The following CIB4 variants were observed in gnomAD, a reference collection of about 807,000 sequenced individuals.
CIB4 encodes calcium and integrin binding family member 4.
Under a neutral mutation model 25.8 loss-of-function variants are expected in CIB4, and 25 were observed. The observed-to-expected ratio is 0.97, with a 90% CI of 0.71 to 1.35. The LOEUF (loss-of-function observed/expected upper bound fraction) is 1.35. Ranked by LOEUF, CIB4 falls within the 40% of genes most tolerant of loss-of-function variation. The probability of loss-of-function intolerance (pLI) is 0.00; values close to 1 mark genes in which losing one functional copy is unlikely to be tolerated. For synonymous variants in CIB4, 75 were observed against 81.4 expected (o/e 0.92, Z 0.42); for missense variants, 235 against 228.2 (o/e 1.03, Z -0.19).
At chr2:26,640,921 C>A (rs539398064) in intron 1 of CIB4, among the ~76,000 whole-genome samples, 2 of 152,330 alleles carry the variant, frequency 1.3e-5, no homozygotes, top group South Asian at 4.1e-4. Flanking sequence ...GAGGGACCAC[C>A]GCTACCCCGC....
chr2:26,619,490 G>C (rs756998710), intron 3 of CIB4, among the ~76,000 whole-genome samples: 59 of 152,306 alleles, frequency 3.9e-4, no homozygotes, highest in South Asian at 8.3e-4. Context: ...CGGAAAGGCA[G>C]GTGTGATTCC....
At chr2:26,585,428 A>C (rs1316679012) in intron 4 of CIB4, among the ~76,000 whole-genome samples, 5 of 152,008 alleles carry the variant, frequency 3.3e-5, no homozygotes, top group Non-Finnish European at 1.5e-5. Context: ...GAAGGCCTTG[A>C]ATGGCAGGTG....
intron 3 of CIB4, among the ~76,000 whole-genome samples, chr2:26,596,339 C>T (rs1668682213): frequency 6.6e-6 from 1 of 152,210 alleles, no homozygotes; most frequent in Non-Finnish European, 1.5e-5. Context: ...TGCCAAATGA[C>T]TTCCCTGCAG....
intron 4 of CIB4, among the ~76,000 whole-genome samples, chr2:26,589,014 CTT>C (rs1668514570): frequency 4.4e-5 from 1 of 22,690 alleles, no homozygotes; most frequent in East Asian, 1.2e-3. Context: ...TCTTCTTCTT[CTT>C]CTTCTTCTTC....
intron 2 of CIB4, among the ~76,000 whole-genome samples, chr2:26,629,712 C>T (rs950861552): frequency 6.6e-6 from 1 of 152,210 alleles, no homozygotes; most frequent in African/African-American, 2.4e-5. Flanking sequence ...AGAAACATCC[C>T]TGGACCCTCC....
intron 3 of CIB4, among the ~76,000 whole-genome samples, chr2:26,599,241 A>G (rs1668737816): frequency 6.6e-6 from 1 of 152,240 alleles, no homozygotes; most frequent in Non-Finnish European, 1.5e-5. Context: ...AGCAATTTAT[A>G]CAGGTAACTC....
chr2:26,608,939 T>C (rs941646848), intron 3 of CIB4, among the ~76,000 whole-genome samples: 4 of 152,134 alleles, frequency 2.6e-5, no homozygotes, highest in Non-Finnish European at 5.9e-5. Flanking sequence ...CTGTCTCTCC[T>C]GCAAGCCTGT....
chr2:26,633,781 C>A (rs1669479434), intron 2 of CIB4, among the ~76,000 whole-genome samples: 1 of 152,198 alleles, frequency 6.6e-6, no homozygotes, highest in African/African-American at 2.4e-5. Context: ...CCACACAGCC[C>A]AGAGAGGCAG....
intron 3 of CIB4, among the ~76,000 whole-genome samples, chr2:26,629,197 G>A (rs566781502): frequency 2.0e-4 from 30 of 152,286 alleles, no homozygotes; most frequent in Admixed American, 2.6e-4. Context: ...CTCTAGGACC[G>A]AGGTGAGGAT....
chr2:26,609,834 A>G (rs1210238745), intron 3 of CIB4, among the ~76,000 whole-genome samples: 1 of 152,206 alleles, frequency 6.6e-6, no homozygotes, highest in Admixed American at 6.5e-5. Flanking sequence ...CCCACGGAAA[A>G]CACAAACAAA....
chr2:26,624,630 A>T (rs1189396278), intron 3 of CIB4, among the ~76,000 whole-genome samples: 1 of 151,262 alleles, frequency 6.6e-6, no homozygotes, highest in Non-Finnish European at 1.5e-5. Flanking sequence ...ATTTTTTTTA[A>T]TGTCCTTACT....
chr2:26,637,146 G>A (rs1669547915), intron 2 of CIB4, among the ~76,000 whole-genome samples: 1 of 152,140 alleles, frequency 6.6e-6, no homozygotes, highest in South Asian at 2.1e-4. Context: ...CAGGGCAGGG[G>A]TGCCAAGTTG....
chr2:26,607,080 CCCT>C (rs1668903233), intron 3 of CIB4, among the ~76,000 whole-genome samples: 1 of 152,186 alleles, frequency 6.6e-6, no homozygotes, highest in Non-Finnish European at 1.5e-5. Flanking sequence ...GAGCCATCTG[CCCT>C]AACTACCTCT....
chr2:26,586,849 G>A (rs1337931076), intron 4 of CIB4, among the ~76,000 whole-genome samples: 2 of 152,318 alleles, frequency 1.3e-5, no homozygotes, highest in South Asian at 2.1e-4. Context: ...TCTGGCCGAT[G>A]AAGTGTAAGC....
intron 2 of CIB4, among the ~76,000 whole-genome samples, chr2:26,639,748 T>C (rs1669600743): frequency 6.6e-6 from 1 of 152,046 alleles, no homozygotes; most frequent in Admixed American, 6.6e-5. Context: ...CACCAGACCC[T>C]GAGTGGGAAA....
At chr2:26,588,413 C>G (rs745887018) in intron 4 of CIB4, among the ~76,000 whole-genome samples, 2 of 152,224 alleles carry the variant, frequency 1.3e-5, no homozygotes, top group African/African-American at 4.8e-5. Flanking sequence ...GCCCAGGCGG[C>G]CTCTGCAGCC....
rs1669632156 is a variant in CIB4, at chr2:26,641,353, A to T, written c.-39T>A. The T allele has an allele frequency of 1.3e-6, 2 of 1,580,796 alleles. No homozygotes were observed. The highest frequency in any genetic ancestry group is 3.3e-5 in the Admixed American group (2 of 59,958). On this transcript the variant is annotated 5_prime_UTR_variant, in exon 1 of 7. Transcript: ENST00000288861. ...TTCTGTCTGCCAGCAGTAGAACCTC[A>T]GCCTCAAGGACTCGCCAGCTGAGGC... is the stretch of plus-strand genomic sequence containing the variant.
At chr2:26,592,438 G>A (rs182273118) in intron 4 of CIB4, among the ~76,000 whole-genome samples, 2 of 152,336 alleles carry the variant, frequency 1.3e-5, no homozygotes, top group Admixed American at 6.5e-5. Context: ...CAGAATTTGG[G>A]TATGTGATTT....
rs144457866 is a variant in CIB4, at chr2:26,622,755, G to A, written c.186+6655C>T. On this transcript the variant is annotated intron_variant, in intron 3 of 6. Transcript: ENST00000288861. Reference sequence around the variant, plus strand: ...CCCAGCATTTTGGGAGGCCGAGGTGGGCAGATCACTTGAGGTCAGGAGTTC... The same window carrying A: ...CCCAGCATTTTGGGAGGCCGAGGTGAGCAGATCACTTGAGGTCAGGAGTTC... Among the ~76,000 whole-genome samples, 49 of 152,222 alleles carry A rather than the reference G, an allele frequency of 3.2e-4. 1 individual carries two copies. The highest frequency in any genetic ancestry group is 1.2e-3 in the African/African-American group (49 of 41,542).
Sources: gnomAD v4.1 joint callset for allele counts (sites outside exome capture counted in the v4.1 genomes callset) on GRCh38, gnomAD v4.1.1 for gene constraint, MANE v1.5 for transcripts, NCBI Gene and HGNC (gene_info 2026-07-23, HGNC 2026-07-21) for gene names.